Variants in KCNJ6 observed in about 807,000 individuals in gnomAD.
KCNJ6 encodes G protein-activated inward rectifier potassium channel 2.
A neutral mutation model predicts 34.2 loss-of-function variants in KCNJ6; 9 were observed. The ratio of observed to expected loss-of-function variants is 0.26; its 90% CI spans 0.16 to 0.46. The LOEUF is 0.46. Ranked by LOEUF, KCNJ6 falls within the 20% of genes least tolerant of loss-of-function variation. KCNJ6 has a pLI of 1.00. For missense variants in KCNJ6, 236 were observed against 531.3 expected, an observed-to-expected ratio of 0.44 and a Z score of 5.46; for synonymous variants, 196 against 207.1, an observed-to-expected ratio of 0.95 and a Z score of 0.46.
chr21:37,740,378 T>G (rs549463599), intron 2 of KCNJ6, among the ~76,000 whole-genome samples: 1 of 152,316 alleles, frequency 6.6e-6, no homozygotes, highest in African/African-American at 2.4e-5. Context: ...TGATAAAACT[T>G]TGGTCTCCAC....
chr21:37,786,795 G>A (rs1213718715), intron 2 of KCNJ6, among the ~76,000 whole-genome samples: 7 of 152,130 alleles, frequency 4.6e-5, no homozygotes, highest in Admixed American at 3.9e-4. Flanking sequence ...TTAAAATGGG[G>A]CCGTTGTGAG....
chr21:37,756,019 T>G (rs937561263), intron 2 of KCNJ6, among the ~76,000 whole-genome samples: 1 of 152,258 alleles, frequency 6.6e-6, no homozygotes, highest in African/African-American at 2.4e-5. Flanking sequence ...TTCCTCTAGA[T>G]GCTTTTGGAT....
chr21:37,686,890 T>C (rs1415860369), intron 3 of KCNJ6, among the ~76,000 whole-genome samples: 2 of 151,052 alleles, frequency 1.3e-5, no homozygotes, highest in Non-Finnish European at 3.0e-5. Context: ...AAGGCAGGGG[T>C]TGAAAAAATG....
In KCNJ6 at chr21:37,901,943, G is replaced by GT. The variant is rs571373621; in HGVS notation, c.-28+13940dup. On this transcript the variant is annotated intron_variant, in intron 1 of 3. Transcript: ENST00000609713. ...GACAGGAAAACCAGCTAACTAATTT[G>GT]TTTTTTTTAATTATCCCAATTTTGT... Among the ~76,000 whole-genome samples the GT allele has an allele frequency of 5.1e-3, 775 of 152,004 alleles. 5 individuals are homozygous for GT. Among genetic ancestry groups the GT allele is most frequent in the South Asian group, 9.4e-3 (45 of 4,806 alleles).
intron 3 of KCNJ6, among the ~76,000 whole-genome samples, chr21:37,660,605 G>A (rs1337172583): frequency 6.6e-6 from 1 of 152,192 alleles, no homozygotes; most frequent in East Asian, 1.9e-4. Flanking sequence ...GGTAGCTCAT[G>A]TCACCCAGGC....
intron 2 of KCNJ6, among the ~76,000 whole-genome samples, chr21:37,775,874 C>A (rs2055139661): frequency 6.6e-6 from 1 of 151,742 alleles, no homozygotes; most frequent in South Asian, 2.1e-4. Flanking sequence ...GTAGTTTTTT[C>A]CAATTCTGTG....
intron 2 of KCNJ6, among the ~76,000 whole-genome samples, chr21:37,814,895 T>TCAA (rs1223788031): frequency 3.1e-5 from 2 of 64,372 alleles, no homozygotes; most frequent in African/African-American, 2.9e-4. Context: ...AGACTCTGTC[T>TCAA]CAAAAAAAAA....
intron 3 of KCNJ6, among the ~76,000 whole-genome samples, chr21:37,664,542 T>C (rs1214556573): frequency 6.6e-6 from 1 of 152,034 alleles, no homozygotes; most frequent in African/African-American, 2.4e-5. Flanking sequence ...AGAAATATCA[T>C]GAATTCATAC....
chr21:37,874,022 C>G (rs2055665531), intron 1 of KCNJ6, among the ~76,000 whole-genome samples: 1 of 152,180 alleles, frequency 6.6e-6, no homozygotes, highest in Admixed American at 6.5e-5. Context: ...CACAGCAGAA[C>G]TCCTTAGAAA....
chr21:37,864,113 A>T (rs1433738294), intron 1 of KCNJ6, among the ~76,000 whole-genome samples: 1 of 147,230 alleles, frequency 6.8e-6, no homozygotes, highest in African/African-American at 2.5e-5. Flanking sequence ...CCAATTCTCT[A>T]TTTTTTTTTT....
intron 2 of KCNJ6, among the ~76,000 whole-genome samples, chr21:37,761,540 T>C (rs563169442): frequency 8.0e-5 from 12 of 150,886 alleles, no homozygotes; most frequent in African/African-American, 2.2e-4. Context: ...GTGTGTGTCG[T>C]GTGTGTGGTA....
Position 37,898,776 on chromosome 21 carries a change from C to A in KCNJ6, c.-28+17108G>T, listed in dbSNP as rs8134255. 3.7e-3 allele frequency among the ~76,000 whole-genome samples: 564 copies of A among 152,212 alleles called. 1 individual carries two copies. The highest frequency in any genetic ancestry group is 0.013 in the African/African-American group (524 of 41,524). On this transcript the variant is annotated intron_variant, in intron 1 of 3. Transcript: ENST00000609713. ...TCCATCTGCAGGTAATATCAAAGCA[C>A]TGGATACAGAGGTATTAGAAGAACT...
intron 2 of KCNJ6, among the ~76,000 whole-genome samples, chr21:37,824,687 C>T (rs939865537): frequency 3.9e-5 from 6 of 152,194 alleles, no homozygotes; most frequent in African/African-American, 1.4e-4. Flanking sequence ...CCTGCGCACA[C>T]TTTCTTTCCT....
intron 3 of KCNJ6, among the ~76,000 whole-genome samples, chr21:37,642,637 T>C (rs2054386188): frequency 8.9e-6 from 1 of 112,214 alleles, no homozygotes; most frequent in African/African-American, 3.6e-5. Context: ...GCAAGGGATA[T>C]GGGGTTGGGT....
At chr21:37,766,911 C>A (rs566754870) in intron 2 of KCNJ6, among the ~76,000 whole-genome samples, 1 of 152,286 alleles carries the variant, frequency 6.6e-6, no homozygotes, top group South Asian at 2.1e-4. Flanking sequence ...TTTTGAGCTC[C>A]TTATGAAAAT....
At chr21:37,678,167 C>A (rs1280156335) in intron 3 of KCNJ6, among the ~76,000 whole-genome samples, 2 of 152,104 alleles carry the variant, frequency 1.3e-5, no homozygotes, top group East Asian at 1.9e-4. Flanking sequence ...ATTAGGAGAG[C>A]CTTGAAGGAT....
chr21:37,886,964 A>C (rs1601517599), intron 1 of KCNJ6, among the ~76,000 whole-genome samples: 11 of 130,910 alleles, frequency 8.4e-5, no homozygotes, highest in African/African-American at 8.8e-5. Flanking sequence ...TCTAAATTTC[A>C]CTCATCCTCT....
chr21:37,787,295 G>C (rs1340270360), intron 2 of KCNJ6, among the ~76,000 whole-genome samples: 4 of 152,172 alleles, frequency 2.6e-5, no homozygotes, highest in Non-Finnish European at 5.9e-5. Flanking sequence ...TGAAGGAACT[G>C]GGGGTAGAGG....
chr21:37,774,604 G>GT (rs72014510), intron 2 of KCNJ6, among the ~76,000 whole-genome samples: 11,100 of 44,272 alleles, frequency 0.25, 416 homozygotes, highest in African/African-American at 0.33. Context: ...TGCAATGTTT[G>GT]CTTTTTGTCC....
Sources: allele counts gnomAD v4.1 joint callset (sites outside exome capture counted in the v4.1 genomes callset), GRCh38; gene constraint gnomAD v4.1.1; transcripts MANE v1.5; gene names NCBI Gene and HGNC (gene_info 2026-07-23, HGNC 2026-07-21).